The following MELK variants were observed in gnomAD, a reference collection of about 807,000 sequenced individuals.
MELK encodes maternal embryonic leucine zipper kinase, also known as pEg3 kinase.
A neutral mutation model predicts 85.0 loss-of-function variants in MELK; 81 were observed. The observed-to-expected ratio is 0.95, with a 90% CI of 0.80 to 1.15. The LOEUF (loss-of-function observed/expected upper bound fraction) is 1.15, where lower values mean the gene tolerates loss of function less well. Ranked by LOEUF, MELK falls within the 50% of genes most tolerant of loss-of-function variation. The probability of loss-of-function intolerance (pLI) is 0.00; values close to 1 mark genes in which losing one functional copy is unlikely to be tolerated. For synonymous variants in MELK, 252 were observed against 265.0 expected (o/e 0.95, Z 0.48); for missense variants, 754 against 777.5 (o/e 0.97, Z 0.36).
chr9:36,618,416 A>AG (rs1564169246), intron 8 of MELK, among the ~76,000 whole-genome samples: 2 of 152,072 alleles, frequency 1.3e-5, no homozygotes, highest in Admixed American at 1.3e-4. Context: ...AAAAAAAAAA[A>AG]AAAAAGAAAA....
chr9:36,666,918 T>TG (rs1420360668), intron 14 of MELK, among the ~76,000 whole-genome samples: 11 of 148,818 alleles, frequency 7.4e-5, no homozygotes, highest in African/African-American at 2.7e-4. Flanking sequence ...ATGGTGTGTG[T>TG]GTGGGGGGGT....
At chr9:36,579,062 T>C (rs1821935320) in intron 1 of MELK, among the ~76,000 whole-genome samples, 1 of 151,708 alleles carries the variant, frequency 6.6e-6, no homozygotes. Context: ...AATTTCGCTC[T>C]TGTTGCCCAG....
intron 16 of MELK, 112 bp from the exon 17 acceptor site, chr9:36,674,722 G>A (rs1480147500): frequency 1.9e-6 from 1 of 523,300 alleles, no homozygotes; most frequent in Non-Finnish European, 3.3e-6. Flanking sequence ...TTAGGAAATA[G>A]TTCCATTTGA....
chr9:36,603,692 C>G (rs1295758512), intron 7 of MELK, among the ~76,000 whole-genome samples: 2 of 152,100 alleles, frequency 1.3e-5, no homozygotes, highest in Non-Finnish European at 2.9e-5. Flanking sequence ...CCTTGGCCTC[C>G]CAAAGTGCTG....
At chr9:36,575,081 C>T (rs1253091062) in intron 1 of MELK, among the ~76,000 whole-genome samples, 3 of 152,054 alleles carry the variant, frequency 2.0e-5, no homozygotes, top group Admixed American at 6.6e-5. Context: ...TGCAGTGAGC[C>T]GAGATTACGC....
chr9:36,617,464 C>T (rs529086983), intron 8 of MELK, among the ~76,000 whole-genome samples: 1 of 152,082 alleles, frequency 6.6e-6, no homozygotes, highest in Admixed American at 6.5e-5. Flanking sequence ...TCCTGAGTAG[C>T]TGGAACTACA....
intron 7 of MELK, among the ~76,000 whole-genome samples, chr9:36,603,057 GATTCCTA>G (rs1825098407): frequency 6.6e-6 from 1 of 152,166 alleles, no homozygotes; most frequent in Non-Finnish European, 1.5e-5. Flanking sequence ...GATCTCACAA[GATTCCTA>G]GAGGTGATGA....
intron 5 of MELK, among the ~76,000 whole-genome samples, chr9:36,596,577 TTTTGTTTTTTTTG>T (rs1485066617): frequency 0.066 from 7,816 of 117,980 alleles, 844 homozygotes; most frequent in African/African-American, 0.15. Context: ...TTTTTGTTTT[TTTTGTTTTTTTTG>T]TTTTTTTTTT....
Position 36,677,303 on chromosome 9 carries a change from T to G in MELK, c.1922T>G (p.Leu641Ter). 2 of 1,613,738 alleles carry G rather than the reference T, an allele frequency of 1.2e-6. No individual in the cohort carries two copies. Among genetic ancestry groups the G allele is most frequent in the Non-Finnish European group, 1.7e-6 (2 of 1,179,824 alleles). Reference protein sequence around the residue: ...LKGDAWVYKRLVEDILSSCKV With the variant: ...LKGDAWVYKR Reference sequence around the variant, plus strand: ...GGCGATGCCTGGGTTTACAAAAGATTAGTGGAAGACATCCTATCTAGCTGC... The same window carrying G: ...GGCGATGCCTGGGTTTACAAAAGATGAGTGGAAGACATCCTATCTAGCTGC... The change falls in exon 18 of 18, where the codon TTA becomes TGA. Residue 641 changes from leucine (L) to a stop codon, truncating the protein, a stop_gained. Transcript: ENST00000298048. LOFTEE classifies it high-confidence loss of function.
intron 6 of MELK, among the ~76,000 whole-genome samples, chr9:36,598,487 T>C (rs149762823): frequency 1.3e-5 from 2 of 152,304 alleles, no homozygotes; most frequent in East Asian, 1.9e-4. Flanking sequence ...TCTATACAGC[T>C]GTTGGACTGT....
Position 36,583,617 on chromosome 9 carries a change from T to G in MELK, c.59-10T>G. The G allele has an allele frequency of 6.3e-7, 1 of 1,585,550 alleles. No homozygotes were observed. ...TTGCTTATGCTTTCATAATACATTT[T>G]CCTACTTAGGTGGCTTTGCAAAGGT... is the stretch of plus-strand genomic sequence containing the variant. On this transcript the variant is annotated splice_polypyrimidine_tract_variant and intron_variant, in intron 2 of 17. Transcript: ENST00000298048.
intron 12 of MELK, among the ~76,000 whole-genome samples, chr9:36,653,400 C>A (rs542403250): frequency 3.6e-4 from 55 of 152,272 alleles, no homozygotes; most frequent in Non-Finnish European, 5.7e-4. Flanking sequence ...CCCTCCTTTG[C>A]CTCCCAAAGT....
At chr9:36,615,755 T>G in intron 8 of MELK, among the ~76,000 whole-genome samples, 4 of 135,502 alleles carry the variant, frequency 3.0e-5, no homozygotes, top group African/African-American at 5.8e-5. Context: ...TCTCAGACGA[T>G]GGGCGGCTGG....
chr9:36,590,171 C>T lies in MELK; in HGVS notation c.261+519C>T, dbSNP rs112834512. 4.7e-3 allele frequency among the ~76,000 whole-genome samples: 722 copies of T among 152,126 alleles called. 5 individuals carry two copies. Among genetic ancestry groups the T allele is most frequent in the Non-Finnish European group, 7.6e-3 (519 of 67,984 alleles). ...TCCTGACCTTGTGATCTGCCCTCCT[C>T]GGCCTCCCAGAGTGCTGGGATTACA... On this transcript the variant is annotated intron_variant, in intron 4 of 17. Transcript: ENST00000298048.
In MELK at chr9:36,633,323, G is replaced by A. The variant is rs1028159901; in HGVS notation, c.834+123G>A. 15 of 675,512 alleles carry A rather than the reference G, an allele frequency of 2.2e-5. No individual in the cohort carries two copies. In the African/African-American group the frequency reaches 2.2e-4, roughly 10 times the overall value. 41.8% of individuals were successfully genotyped at this position (675,512 alleles called of 1,614,324 possible). The stretch of plus-strand genomic sequence containing the variant: ...ATATATTAATCAGATTGGTGTTTGG[G>A]AGACTTGTAACCTAATGGACAGTGG... On this transcript the variant is annotated intron_variant, in intron 10 of 17. Transcript: ENST00000298048.
At chr9:36,674,988 T>G (rs1021141092) in intron 17 of MELK, 51 bp downstream of exon 17, 1 of 1,407,932 alleles carries the variant, frequency 7.1e-7, no homozygotes, top group Non-Finnish European at 1.0e-6. Context: ...TTTTGGACTT[T>G]GAGAAAATAG....
At chr9:36,573,154 C>G (rs957150461) in intron 1 of MELK, 147 bp downstream of exon 1, 1 of 152,264 alleles carries the variant, frequency 6.6e-6, no homozygotes, top group Non-Finnish European at 1.5e-5. Context: ...AGCCCTGTTC[C>G]CTGGATAAGA....
chr9:36,606,634 TATATGTATATATGGACAC>T (rs1396321335), intron 7 of MELK, among the ~76,000 whole-genome samples: 8 of 147,004 alleles, frequency 5.4e-5, no homozygotes, highest in Non-Finnish European at 1.0e-4. Context: ...TATATGGACA[TATATGTATATATGGACAC>T]ATATGTATAT....
intron 12 of MELK, among the ~76,000 whole-genome samples, chr9:36,653,692 G>A (rs1024670113): frequency 2.6e-5 from 4 of 152,072 alleles, no homozygotes; most frequent in African/African-American, 9.7e-5. Context: ...GAGAAAGGTA[G>A]TTGGTTGGCC....
Sources: allele counts gnomAD v4.1 joint callset (sites outside exome capture counted in the v4.1 genomes callset), GRCh38; gene constraint gnomAD v4.1.1; transcripts MANE v1.5; gene names NCBI Gene and HGNC (gene_info 2026-07-23, HGNC 2026-07-21).